PEAK1: variants seen among roughly 807,000 people sequenced by gnomAD.
The protein encoded by PEAK1 is inactive tyrosine-protein kinase PEAK1.
A neutral mutation model predicts 124.7 loss-of-function variants in PEAK1; 54 were observed. That is an observed-to-expected ratio of 0.43 (90% CI 0.35 to 0.54). The LOEUF is 0.54. Among genes scored for constraint, PEAK1 ranks in the 20% least tolerant of loss-of-function variants. PEAK1 has a pLI of 0.01. For missense variants in PEAK1, 2,046 were observed against 2,134.5 expected, an observed-to-expected ratio of 0.96 and a Z score of 0.82; for synonymous variants, 719 against 760.0, an observed-to-expected ratio of 0.95 and a Z score of 0.89.
intron 6 of PEAK1, among the ~76,000 whole-genome samples, chr15:77,195,599 G>T (rs184708998): frequency 6.6e-6 from 1 of 152,180 alleles, no homozygotes; most frequent in East Asian, 1.9e-4. Flanking sequence ...TTGACTTCAG[G>T]CTGATGTGTG....
downstream of PEAK1, chr15:77,103,340 T>A (rs2050714087): frequency 6.6e-6 from 1 of 152,138 alleles, no homozygotes; most frequent in Admixed American, 6.6e-5. Flanking sequence ...AGAGATGGAG[T>A]TTCAACATGT....
chr15:77,371,662 A>AAT (rs1435338145), intron 1 of PEAK1, among the ~76,000 whole-genome samples: 1 of 152,130 alleles, frequency 6.6e-6, no homozygotes, highest in Non-Finnish European at 1.5e-5. Context: ...CCAAGGCGGG[A>AAT]GGATCACTCG....
intron 5 of PEAK1, among the ~76,000 whole-genome samples, chr15:77,281,004 AC>A (rs1301564019): frequency 6.6e-6 from 1 of 152,082 alleles, no homozygotes; most frequent in East Asian, 1.9e-4. Context: ...TACTGAAAAT[AC>A]AAAAATTAGC....
intron 1 of PEAK1, chr15:77,418,455 T>C (rs972533947): frequency 2.8e-5 from 28 of 985,282 alleles, no homozygotes; most frequent in African/African-American, 8.7e-5. Context: ...TTTTTTCACA[T>C]AGTTTGTGAG....
intron 5 of PEAK1, among the ~76,000 whole-genome samples, chr15:77,275,724 A>T (rs1171327313): frequency 2.6e-5 from 4 of 151,788 alleles, no homozygotes; most frequent in Non-Finnish European, 5.9e-5. Flanking sequence ...ATAAATAAAT[A>T]AATAAAATAA....
chr15:77,147,796 C>A (rs2054279201), intron 8 of PEAK1, among the ~76,000 whole-genome samples: 1 of 152,104 alleles, frequency 6.6e-6, no homozygotes. Flanking sequence ...GATTTTTGTG[C>A]AACATAGAAG....
Position 77,133,845 on chromosome 15 carries a change from C to A in PEAK1, c.3332-95G>T. ...CTTGAGCAGAAATGAGTGAGGTAGC[C>A]ATGGGAATGTAAGAATAAGTCAACT... On this transcript the variant is annotated intron_variant, in intron 8 of 9. Transcript: ENST00000682557. The surrounding 1 kb of genome is among the most constrained non-coding windows in gnomAD (Gnocchi z 4.2). 7.5e-7 allele frequency: 1 copy of A among 1,329,276 alleles called. No homozygotes were observed. The highest frequency in any genetic ancestry group is 1.0e-6 in the Non-Finnish European group (1 of 999,234). The allele number at this position is 1,329,276 out of a possible 1,614,324, so 82.3% of individuals were successfully genotyped here.
rs180993236 is a variant in PEAK1, at chr15:77,243,662, G to A, written c.-115+8705C>T. ...TGAATAATCCTTCAAAGAGGGATGA[G>A]AATGTGTATTAGAAACCCACAGATG... On this transcript the variant is annotated intron_variant, in intron 6 of 9. Coordinates refer to ENST00000682557, the MANE Select transcript of PEAK1 (RefSeq NM_001385026.1). Among the ~76,000 whole-genome samples the A allele has an allele frequency of 1.4e-4, 22 of 152,326 alleles. No homozygotes were observed. In the East Asian group the frequency reaches 4.2e-3, roughly 29 times the overall value.
chr15:77,400,835 G>A (rs948116198), intron 1 of PEAK1, among the ~76,000 whole-genome samples: 26 of 152,114 alleles, frequency 1.7e-4, no homozygotes, highest in African/African-American at 4.8e-4. Context: ...AAATATTGAA[G>A]GAAGATTTGT....
chr15:77,166,291 A>G (rs540576898), intron 7 of PEAK1, among the ~76,000 whole-genome samples: 94 of 152,358 alleles, frequency 6.2e-4, no homozygotes, highest in Admixed American at 1.6e-3. Flanking sequence ...TCTTCAAACA[A>G]TAACACTGAG....
chr15:77,372,607 T>TTA (rs2068722335), intron 1 of PEAK1, among the ~76,000 whole-genome samples: 1 of 152,230 alleles, frequency 6.6e-6, no homozygotes, highest in African/African-American at 2.4e-5. Flanking sequence ...CCTTTCCCTG[T>TTA]ATCTAAAATA....
chr15:77,405,015 T>TG (rs1042468695), intron 1 of PEAK1, among the ~76,000 whole-genome samples: 83 of 151,924 alleles, frequency 5.5e-4, no homozygotes, highest in Middle Eastern at 3.4e-3. Flanking sequence ...TTTTTTGTTT[T>TG]TTTTTTTTTG....
chr15:77,223,688 G>T (rs1414592377), intron 6 of PEAK1, among the ~76,000 whole-genome samples: 1 of 152,016 alleles, frequency 6.6e-6, no homozygotes, highest in Non-Finnish European at 1.5e-5. Flanking sequence ...TGACCATAGA[G>T]AGAATACTTA....
intron 1 of PEAK1, among the ~76,000 whole-genome samples, chr15:77,367,945 T>C (rs1406598240): frequency 6.6e-6 from 1 of 152,194 alleles, no homozygotes; most frequent in Non-Finnish European, 1.5e-5. Flanking sequence ...CCAGTGAATG[T>C]GGAAGCATCA....
At chr15:77,243,830 T>G (rs1478535264) in intron 6 of PEAK1, among the ~76,000 whole-genome samples, 1 of 151,478 alleles carries the variant, frequency 6.6e-6, no homozygotes, top group Non-Finnish European at 1.5e-5. Context: ...TAGCCGGGAG[T>G]GGTGGCACAT....
intron 1 of PEAK1, among the ~76,000 whole-genome samples, chr15:77,367,264 G>A (rs2068312098): frequency 6.6e-6 from 1 of 152,142 alleles, no homozygotes; most frequent in Admixed American, 6.5e-5. Context: ...GGCATACATA[G>A]GAACTCTCTG....
intron 5 of PEAK1, among the ~76,000 whole-genome samples, chr15:77,252,818 G>A (rs1326661431): frequency 6.6e-6 from 1 of 152,034 alleles, no homozygotes; most frequent in Non-Finnish European, 1.5e-5. Flanking sequence ...TTATTCTACT[G>A]GAAGTATATG....
rs1330876704 is a variant in PEAK1, at chr15:77,357,139, C to T, written c.-603+8024G>A. On this transcript the variant is annotated intron_variant, in intron 2 of 9. Coordinates refer to ENST00000682557, the MANE Select transcript of PEAK1 (RefSeq NM_001385026.1). ...AACATACATCAGCAGCGCATGGTGG[C>T]ACATGCCTGTAGTCCCAGTTACTTG... Among the ~76,000 whole-genome samples the T allele has an allele frequency of 2.6e-5, 4 of 152,338 alleles. No homozygotes were observed. In the East Asian group the frequency reaches 7.7e-4, roughly 29 times the overall value.
chr15:77,129,147 C>G (rs1041577125), intron 9 of PEAK1, among the ~76,000 whole-genome samples: 1 of 152,234 alleles, frequency 6.6e-6, no homozygotes, highest in Non-Finnish European at 1.5e-5. Flanking sequence ...CTTCCTTCCT[C>G]TCTCCCTCAC....
Sources: gnomAD v4.1 joint callset for allele counts (sites outside exome capture counted in the v4.1 genomes callset) on GRCh38, gnomAD v4.1.1 for gene constraint, Gnocchi (gnomAD v3.1) non-coding constraint, MANE v1.5 for transcripts, NCBI Gene and HGNC (gene_info 2026-07-23, HGNC 2026-07-21) for gene names.